Variants in BRIP1 observed in about 807,000 individuals in gnomAD.
The protein encoded by BRIP1 is BRCA1 interacting DNA helicase 1, also known as Fanconi anemia group J protein.
A neutral mutation model predicts 119.7 loss-of-function variants in BRIP1; 88 were observed. That is an observed-to-expected ratio of 0.74 (90% CI 0.62 to 0.88). The LOEUF (loss-of-function observed/expected upper bound fraction) is 0.88. Among genes scored for constraint, BRIP1 ranks in the 40% least tolerant of loss-of-function variants. The pLI, the probability that BRIP1 is intolerant of heterozygous loss-of-function variation, is 0.00. For synonymous variants in BRIP1, 443 were observed against 496.5 expected, an observed-to-expected ratio of 0.89 and a Z score of 1.43; for missense variants, 1,259 against 1,455.4, an observed-to-expected ratio of 0.87 and a Z score of 2.20.
At chr17:61,787,393 T>TATATTTATATAAA (rs11274862) in intron 10 of BRIP1, among the ~76,000 whole-genome samples, 93,141 of 117,640 alleles carry the variant, frequency 0.79, 37,752 homozygotes, top group African/African-American at 0.88. Flanking sequence ...ATATATAGTA[T>TATATTTATATAAA]ATATATTTAT....
At position 61,796,554 on chromosome 17, in the gene BRIP1, GAGT is replaced by G. The variant is rs1335739187; in HGVS notation, c.1340+2543_1340+2545del. Among the ~76,000 whole-genome samples the G allele has an allele frequency of 6.6e-6, 1 of 152,022 alleles. No homozygotes were observed. The highest frequency in any genetic ancestry group is 1.5e-5 in the Non-Finnish European group (1 of 67,940). ...TGTTCGTGGCACCTGTGTCAAAAAT[GAGT>G]TCACTGTAGGTGTGTGGATTTGTTT... On this transcript the variant is annotated intron_variant, in intron 9 of 19. Transcript: ENST00000259008. This position sits in a 1 kb window ranked among gnomAD's most constrained non-coding sequence, Gnocchi z 4.8.
chr17:61,704,058 T>C lies in BRIP1; in HGVS notation c.2493-10546A>G, dbSNP rs2061655166. Among the ~76,000 whole-genome samples, 1 of 152,172 alleles carries C rather than the reference T, an allele frequency of 6.6e-6. No homozygotes were observed. The highest frequency in any genetic ancestry group is 2.1e-4 in the South Asian group (1 of 4,834). On this transcript the variant is annotated intron_variant, in intron 17 of 19. Transcript: ENST00000259008. This position sits in a 1 kb window ranked among gnomAD's most constrained non-coding sequence, Gnocchi z 5.7. The stretch of plus-strand genomic sequence containing the variant: ...TCCATCTTGAGTTGATTTTTGTATA[T>C]GGTAAAAGGTAGGGGGTGCAGTTTC...
rs2061331322 is a variant in BRIP1, at chr17:61,684,443, G to C, written c.2906-303C>G. On this transcript the variant is annotated intron_variant, in intron 19 of 19. Transcript: ENST00000259008. This position sits in a 1 kb window ranked among gnomAD's most constrained non-coding sequence, Gnocchi z 4.5. ...AAAAGGGAAGAGGAAGGGAGCTGAG[G>C]AAAGGAGGGAACAGGCTGTAAACAT... 6.6e-6 allele frequency among the ~76,000 whole-genome samples: 1 copy of C among 152,114 alleles called. No homozygotes were observed. Among genetic ancestry groups the C allele is most frequent in the Non-Finnish European group, 1.5e-5 (1 of 68,024 alleles).
intron 17 of BRIP1, among the ~76,000 whole-genome samples, chr17:61,712,872 C>A (rs1018455102): frequency 3.3e-5 from 5 of 150,074 alleles, no homozygotes; most frequent in Non-Finnish European, 7.4e-5. Flanking sequence ...CCACTGCACT[C>A]CAGCCTGGCT....
In BRIP1 at chr17:61,770,269, T is replaced by C. The variant is rs2077429077; in HGVS notation, c.2097+6132A>G. Among the ~76,000 whole-genome samples, 1 of 152,140 alleles carries C rather than the reference T, an allele frequency of 6.6e-6. No individual in the cohort carries two copies. Among genetic ancestry groups the C allele is most frequent in the Admixed American group, 6.6e-5 (1 of 15,258 alleles). On this transcript the variant is annotated intron_variant, in intron 14 of 19. Coordinates refer to ENST00000259008, the MANE Select transcript of BRIP1 (RefSeq NM_032043.3). The surrounding 1 kb of genome is among the most constrained non-coding windows in gnomAD (Gnocchi z 4.7). The stretch of plus-strand genomic sequence containing the variant: ...GAAGATGCTTCCTGTTCCCCATACC[T>C]TACCACCACATCAACAGGGCTCCAG...
rs1376932932 is a variant in BRIP1 at position 61,724,770 on chromosome 17, C to T, written c.2380-8707G>A. On this transcript the variant is annotated intron_variant, in intron 16 of 19. Transcript: ENST00000259008. The surrounding 1 kb of genome is among the most constrained non-coding windows in gnomAD (Gnocchi z 5.1). ...TAAGGACAAATAATCAGCTAAACTA[C>T]ATAATTATAAAAATATTAAGAAAAC... Among the ~76,000 whole-genome samples the T allele has an allele frequency of 6.6e-6, 1 of 152,122 alleles. No homozygotes were observed. Among genetic ancestry groups the T allele is most frequent in the African/African-American group, 2.4e-5 (1 of 41,438 alleles).
chr17:61,826,747 A>C (rs891356127), intron 6 of BRIP1, among the ~76,000 whole-genome samples: 4 of 150,088 alleles, frequency 2.7e-5, no homozygotes, highest in African/African-American at 4.9e-5. Context: ...AAAAAAAAAA[A>C]AAAAAAAAAA....
rs1315754957 is a variant in BRIP1 at position 61,691,883 on chromosome 17, A to G, written c.2575+1547T>C. Among the ~76,000 whole-genome samples the G allele has an allele frequency of 6.6e-6, 1 of 152,276 alleles. No homozygotes were observed. The highest frequency in any genetic ancestry group is 1.5e-5 in the Non-Finnish European group (1 of 68,048). On this transcript the variant is annotated intron_variant, in intron 18 of 19. Coordinates refer to ENST00000259008, the MANE Select transcript of BRIP1 (RefSeq NM_032043.3). The surrounding 1 kb of genome is among the most constrained non-coding windows in gnomAD (Gnocchi z 5.0). ...ATTACACAGCTGTAGTAGTCAAAAA[A>G]GTATGGTACTGGCATAAAGAGAACC...
At position 61,828,892 on chromosome 17, in the gene BRIP1, G is replaced by A. The variant is rs2078448470; in HGVS notation, c.627+18209C>T. ...GGCAGAAGGTTCTTACACATTATTT[G>A]TGAGTTGAAATATTATTTGAAGGTA... On this transcript the variant is annotated intron_variant, in intron 6 of 19. Transcript: ENST00000259008. The surrounding 1 kb of genome is among the most constrained non-coding windows in gnomAD (Gnocchi z 4.1). 6.6e-6 allele frequency among the ~76,000 whole-genome samples: 1 copy of A among 152,184 alleles called. No individual in the cohort carries two copies. The highest frequency in any genetic ancestry group is 2.4e-5 in the African/African-American group (1 of 41,446).
rs1337753494 is a variant in BRIP1 at position 61,708,517 on chromosome 17, G to C, written c.2492+7434C>G. The stretch of plus-strand genomic sequence containing the variant: ...GTGGATAAGGAGAGACTACTGTACT[G>C]TCTGGCCCTTTATAGAAAACACTGG... On this transcript the variant is annotated intron_variant, in intron 17 of 19. Transcript: ENST00000259008. This position sits in a 1 kb window ranked among gnomAD's most constrained non-coding sequence, Gnocchi z 4.4. Among the ~76,000 whole-genome samples, 4 of 152,210 alleles carry C rather than the reference G, an allele frequency of 2.6e-5. No individual in the cohort carries two copies. The highest frequency in any genetic ancestry group is 5.9e-5 in the Non-Finnish European group (4 of 68,038).
Position 61,695,675 on chromosome 17 carries a change from T to C in BRIP1, c.2493-2163A>G, listed in dbSNP as rs765573766. ...TTCAATAATGTCTTGCAGTTTTCAGTATACAGATCTTTCATCTCCTTAGTT... is the reference window on the plus strand; with the variant it reads ...TTCAATAATGTCTTGCAGTTTTCAGCATACAGATCTTTCATCTCCTTAGTT... On this transcript the variant is annotated intron_variant, in intron 17 of 19. Coordinates refer to ENST00000259008, the MANE Select transcript of BRIP1 (RefSeq NM_032043.3). The surrounding 1 kb of genome is among the most constrained non-coding windows in gnomAD (Gnocchi z 4.3). Among the ~76,000 whole-genome samples the C allele has an allele frequency of 2.0e-5, 3 of 152,180 alleles. No homozygotes were observed. The highest frequency in any genetic ancestry group is 4.4e-5 in the Non-Finnish European group (3 of 68,000).
Position 61,776,043 on chromosome 17 carries a change from C to G in BRIP1, c.2097+358G>C, listed in dbSNP as rs959365311. ...GGACTATAGGTGTGTGCCACCACAC[C>G]CAGCTAATTTTTGTATTTTGTAGAG... On this transcript the variant is annotated intron_variant, in intron 14 of 19. Transcript: ENST00000259008. The surrounding 1 kb of genome is among the most constrained non-coding windows in gnomAD (Gnocchi z 5.0). 1 of 301,548 alleles carries G rather than the reference C, an allele frequency of 3.3e-6. No homozygotes were observed. The highest frequency in any genetic ancestry group is 4.6e-5 in the Admixed American group (1 of 21,848). The allele number at this position is 301,548 out of a possible 1,614,324, so 18.7% of individuals were successfully genotyped here. A position where few individuals can be genotyped will look rare whatever the true frequency, so the allele number is the denominator to read the frequency against.
chr17:61,707,799 G>A (rs949566500), intron 17 of BRIP1, among the ~76,000 whole-genome samples: 27 of 151,552 alleles, frequency 1.8e-4, no homozygotes, highest in Admixed American at 1.6e-3. Context: ...TACAAAAATA[G>A]CCCATGTCTT....
rs886465812 is a variant in BRIP1 at position 61,744,650 on chromosome 17, C to T, written c.2098-59G>A. On this transcript the variant is annotated intron_variant, in intron 14 of 19. Transcript: ENST00000259008. This position sits in a 1 kb window ranked among gnomAD's most constrained non-coding sequence, Gnocchi z 5.0. Reference sequence around the variant, plus strand: ...GTGTCTAGCTAAACAAACTTAACTTCATTTGTTTAAGCCAATGTGACTACG... The same window carrying T: ...GTGTCTAGCTAAACAAACTTAACTTTATTTGTTTAAGCCAATGTGACTACG... 6 of 1,472,516 alleles carry T rather than the reference C, an allele frequency of 4.1e-6. No individual in the cohort carries two copies. The highest frequency in any genetic ancestry group is 4.8e-6 in the Non-Finnish European group (5 of 1,052,600). The allele number at this position is 1,472,516 out of a possible 1,614,324, so 91.2% of individuals were successfully genotyped here. A position where few individuals can be genotyped will look rare whatever the true frequency, so the allele number is the denominator to read the frequency against.
Position 61,859,800 on chromosome 17 carries a change from A to G in BRIP1, c.201T>C (p.Leu67=), listed in dbSNP as rs763819127. The change falls in exon 3 of 20, where the codon CTT becomes CTC. Residue 67 remains leucine (L), a synonymous_variant. Transcript: ENST00000259008. ...AGATATCAAGCAACTACTTACCACT[A>G]AGAGATTGTTGCCATGCTAAAGCAG... The part of the protein sequence containing the change: ...LCSALAWQQS[L]SGKPADEGVS... 6.2e-7 allele frequency: 1 copy of G among 1,605,218 alleles called. No homozygotes were observed.
intron 6 of BRIP1, among the ~76,000 whole-genome samples, chr17:61,837,242 T>A (rs1221129771): frequency 6.6e-6 from 1 of 152,010 alleles, no homozygotes; most frequent in Non-Finnish European, 1.5e-5. Context: ...AGCATATATA[T>A]GCAGTTATGT....
At chr17:61,750,205 G>A (rs953308432) in intron 14 of BRIP1, among the ~76,000 whole-genome samples, 7 of 152,204 alleles carry the variant, frequency 4.6e-5, no homozygotes, top group Admixed American at 4.6e-4. Flanking sequence ...CTACCTTGTT[G>A]AGAATTTGTA....
In BRIP1 at chr17:61,808,491, G is replaced by A. The variant is rs2078107086; in HGVS notation, c.894C>T (p.Cys298=). ...VVGNFNRNEK[C]MELLDGKNGK... is the part of the protein sequence containing the mutation. The stretch of plus-strand genomic sequence containing the variant: ...CGTTTTTCCCATCTAGCAATTCCAT[G>A]CACTTCTCATTTCTGTTGAAGTTAC... The change falls in exon 7 of 20, where the codon TGC becomes TGT. Residue 298 remains cysteine, a synonymous_variant. Coordinates refer to ENST00000259008, the MANE Select transcript of BRIP1 (RefSeq NM_032043.3). The surrounding 1 kb of genome is among the most constrained non-coding windows in gnomAD (Gnocchi z 4.1). The A allele has an allele frequency of 6.2e-7, 1 of 1,613,498 alleles. No homozygotes were observed. The highest frequency in any genetic ancestry group is 1.1e-5 in the South Asian group (1 of 91,056).
chr17:61,812,263 G>A (rs1459805344), intron 6 of BRIP1, among the ~76,000 whole-genome samples: 1 of 152,062 alleles, frequency 6.6e-6, no homozygotes, highest in Non-Finnish European at 1.5e-5. Flanking sequence ...CTCTTATTGA[G>A]TATTTTTCCT....
Sources: allele counts gnomAD v4.1 joint callset (sites outside exome capture counted in the v4.1 genomes callset), GRCh38; gene constraint gnomAD v4.1.1; non-coding constraint Gnocchi (gnomAD v3.1); transcripts MANE v1.5; gene names NCBI Gene and HGNC (gene_info 2026-07-23, HGNC 2026-07-21).